PLPPR2: variants seen among roughly 807,000 people sequenced by gnomAD.
PLPPR2 encodes the protein phospholipid phosphatase-related protein type 2.
A neutral mutation model predicts 40.3 loss-of-function variants in PLPPR2; 11 were observed. The observed-to-expected ratio is 0.27, with a 90% CI of 0.17 to 0.45. The LOEUF is 0.45. Ranked by LOEUF, PLPPR2 falls within the 20% of genes least tolerant of loss-of-function variation. The probability of loss-of-function intolerance (pLI) is 1.00; values close to 1 mark genes in which losing one functional copy is unlikely to be tolerated. For synonymous variants in PLPPR2, 260 were observed against 290.8 expected (o/e 0.89, Z 1.08); for missense variants, 497 against 640.7 (o/e 0.78, Z 2.42).
intron 3 of PLPPR2, among the ~76,000 whole-genome samples, chr19:11,358,667 G>GTT (rs368081410): frequency 0.11 from 14,763 of 135,658 alleles, 926 homozygotes; most frequent in East Asian, 0.21. Context: ...CTCTCTCTCT[G>GTT]TTTTTTTTTT....
Position 11,361,902 on chromosome 19 carries a change from T to TCTGGAGCCCTTGCCCCTCTC in PLPPR2, c.663+419_663+438dup, listed in dbSNP as rs369648356. Among the ~76,000 whole-genome samples, 2,156 of 151,904 alleles carry TCTGGAGCCCTTGCCCCTCTC rather than the reference T, an allele frequency of 0.014. 51 individuals carry two copies. The highest frequency in any genetic ancestry group is 0.05 in the African/African-American group (2,053 of 41,364). On this transcript the variant is annotated intron_variant, in intron 6 of 9. Coordinates refer to ENST00000688289, the MANE Select transcript of PLPPR2 (RefSeq NM_001393892.1). This position sits in a 1 kb window ranked among gnomAD's most constrained non-coding sequence, Gnocchi z 6.3. ...GGCCCCCTGGAGTCCTTGCCCCTCT[T>TCTGGAGCCCTTGCCCCTCTC]CTGGAGCCCTTGCCCCTCTCCTGGG... is the stretch of plus-strand genomic sequence containing the variant.
chr19:11,360,286 CAA>C (rs71164193), intron 5 of PLPPR2, among the ~76,000 whole-genome samples: 34 of 85,202 alleles, frequency 4.0e-4, no homozygotes, highest in Admixed American at 2.6e-4. Context: ...AACTCCGTCT[CAA>C]AAAAAAAAAA....
At chr19:11,358,578 C>G (rs1967956486) in intron 3 of PLPPR2, among the ~76,000 whole-genome samples, 1 of 152,064 alleles carries the variant, frequency 6.6e-6, no homozygotes, top group Non-Finnish European at 1.5e-5. Flanking sequence ...CTCTCCCTCT[C>G]TCTACAACTC....
Position 11,364,189 on chromosome 19 carries a change from C to T in PLPPR2, c.992C>T (p.Thr331Ile). 1 of 1,612,388 alleles carries T rather than the reference C, an allele frequency of 6.2e-7. No individual in the cohort carries two copies. The highest frequency in any genetic ancestry group is 1.1e-5 in the South Asian group (1 of 90,866). ...CCCGAGGTCTGCAGGCCGCATTCGA[C>T]ACCGGCACGGCTCACCCCATCCAGT... ...QEPEVCRPHS[T>I]PARLTPSKSQ... Residue 331 changes from threonine (T) to isoleucine (I), a missense_variant, in exon 9 of 10, where the codon ACA becomes ATA. Physicochemically the swap from Thr to Ile is moderately conservative, Grantham distance 89 (BLOSUM62 -1). Transcript: ENST00000688289. This position sits in a 1 kb window ranked among gnomAD's most constrained non-coding sequence, Gnocchi z 5.8.
chr19:11,361,196 C>T lies in PLPPR2; in HGVS notation c.392-21C>T, dbSNP rs746925455. ...GCATCAGGGCCTGGCGCATGAACCCCTTCCACTATCCCACCCCTAGGGGTC... is the reference window on the plus strand; with the variant it reads ...GCATCAGGGCCTGGCGCATGAACCCTTTCCACTATCCCACCCCTAGGGGTC... On this transcript the variant is annotated intron_variant, in intron 5 of 9. Coordinates refer to ENST00000688289, the MANE Select transcript of PLPPR2 (RefSeq NM_001393892.1). This position sits in a 1 kb window ranked among gnomAD's most constrained non-coding sequence, Gnocchi z 6.3. The T allele has an allele frequency of 3.2e-5, 50 of 1,584,984 alleles. No individual in the cohort carries two copies. The highest frequency in any genetic ancestry group is 4.1e-5 in the Non-Finnish European group (48 of 1,166,798).
chr19:11,360,354 G>C (rs1968010379), intron 5 of PLPPR2, among the ~76,000 whole-genome samples: 1 of 151,792 alleles, frequency 6.6e-6, no homozygotes, highest in African/African-American at 2.4e-5. Context: ...TGTAGCCCCA[G>C]CTACTTGGGA....
At position 11,362,590 on chromosome 19, in the gene PLPPR2, G is replaced by A. The variant is rs992096282; in HGVS notation, c.741G>A (p.Pro247=). 1.9e-6 allele frequency: 3 copies of A among 1,613,382 alleles called. No homozygotes were observed. Among genetic ancestry groups the A allele is most frequent in the South Asian group, 1.1e-5 (1 of 91,076 alleles). ...KPSLCLALLC[P]AFLVGVVRVA... is the part of the protein sequence containing the mutation. ...CGCTCTGCCTGGCCTTGCTGTGCCC[G>A]GCCTTCCTGGTGGGCGTGGTCCGCG... The change falls in exon 7 of 10, where the codon CCG becomes CCA. Residue 247 remains proline, a synonymous_variant. Transcript: ENST00000688289. The surrounding 1 kb of genome is among the most constrained non-coding windows in gnomAD (Gnocchi z 5.3).
At position 11,362,767 on chromosome 19, in the gene PLPPR2, G is replaced by C; in HGVS notation, c.840+78G>C. 6 of 1,498,082 alleles carry C rather than the reference G, an allele frequency of 4.0e-6. No individual in the cohort carries two copies. The highest frequency in any genetic ancestry group is 4.5e-6 in the Non-Finnish European group (5 of 1,105,060). 92.8% of individuals were successfully genotyped at this position (1,498,082 alleles called of 1,614,324 possible). A position where few individuals can be genotyped will look rare whatever the true frequency, so the allele number is the denominator to read the frequency against. On this transcript the variant is annotated intron_variant, in intron 7 of 9. Transcript: ENST00000688289. The surrounding 1 kb of genome is among the most constrained non-coding windows in gnomAD (Gnocchi z 5.3). ...ACCCAAGAGGCAGGACCACATGATG[G>C]AGAAGGGTGTGGACTCTGTGTGACC...
Position 11,361,115 on chromosome 19 carries a change from G to A in PLPPR2, c.392-102G>A. The A allele has an allele frequency of 2.1e-6, 3 of 1,429,170 alleles. No individual in the cohort carries two copies. In the East Asian group the frequency reaches 7.0e-5, roughly 34 times the overall value. 88.5% of individuals were successfully genotyped at this position (1,429,170 alleles called of 1,614,324 possible). A position where few individuals can be genotyped will look rare whatever the true frequency, so the allele number is the denominator to read the frequency against. On this transcript the variant is annotated intron_variant, in intron 5 of 9. Coordinates refer to ENST00000688289, the MANE Select transcript of PLPPR2 (RefSeq NM_001393892.1). The surrounding 1 kb of genome is among the most constrained non-coding windows in gnomAD (Gnocchi z 6.3). The stretch of plus-strand genomic sequence containing the variant: ...GGCACAACTACAGGGTCCCAAGTGT[G>A]CTTTAATGACAGTCACAGGAAAAGG...
intron 3 of PLPPR2, among the ~76,000 whole-genome samples, chr19:11,358,347 C>T (rs1448104730): frequency 2.6e-5 from 4 of 151,758 alleles, no homozygotes; most frequent in Middle Eastern, 3.4e-3. Context: ...TGAGCCACCA[C>T]GCCCGGCCTC....
At position 11,361,080 on chromosome 19, in the gene PLPPR2, GGGGGATGTTGGCACAACTACA is replaced by G; in HGVS notation, c.392-133_392-113del. On this transcript the variant is annotated intron_variant, in intron 5 of 9. Transcript: ENST00000688289. The surrounding 1 kb of genome is among the most constrained non-coding windows in gnomAD (Gnocchi z 6.3). ...TACCTTCATGGTGGTCTTAAAGGAA[GGGGGATGTTGGCACAACTACA>G]GGGTCCCAAGTGTGCTTTAATGACA... is the stretch of plus-strand genomic sequence containing the variant. 1 of 1,135,196 alleles carries G rather than the reference GGGGGATGTTGGCACAACTACA, an allele frequency of 8.8e-7. No homozygotes were observed. Among genetic ancestry groups the G allele is most frequent in the Middle Eastern group, 2.2e-4 (1 of 4,624 alleles). The allele number at this position is 1,135,196 out of a possible 1,614,324, so 70.3% of individuals were successfully genotyped here.
chr19:11,364,606 C>T lies in PLPPR2; in HGVS notation c.1275C>T (p.Tyr425=), dbSNP rs148808067. 2.7e-3 allele frequency: 4,131 copies of T among 1,537,178 alleles called. 103 individuals are homozygous for T. The African/African-American group carries it at 0.05, about 19-fold the overall frequency. The change falls in exon 10 of 10, where the codon TAC becomes TAT. Residue 425 remains tyrosine (Y), a synonymous_variant. Coordinates refer to ENST00000688289, the MANE Select transcript of PLPPR2 (RefSeq NM_001393892.1). The surrounding 1 kb of genome is among the most constrained non-coding windows in gnomAD (Gnocchi z 5.8). ...LLPTPLLRDL[Y]TLSGLYPSPF... ...CCACGCCCCTGCTGCGGGACCTGTA[C>T]ACCCTGAGTGGACTCTATCCCTCCC...
rs745988573 is a variant in PLPPR2 at position 11,362,537 on chromosome 19, G to A, written c.688G>A (p.Val230Met). 1.9e-6 allele frequency: 3 copies of A among 1,611,040 alleles called. No individual in the cohort carries two copies. In the African/African-American group the frequency reaches 4.0e-5, roughly 21 times the overall value. ...GATGTACGTGACTCTCGTGTTCCGC[G>A]TGAAGGGCTCCCGCCTGGTCAAACC... ...TAMYVTLVFR[V>M]KGSRLVKPSL... The change falls in exon 7 of 10, where the codon GTG (valine) becomes ATG (methionine). Residue 230 changes from valine (V) to methionine (M), a missense_variant. Coordinates refer to ENST00000688289, the MANE Select transcript of PLPPR2 (RefSeq NM_001393892.1). The surrounding 1 kb of genome is among the most constrained non-coding windows in gnomAD (Gnocchi z 5.3).
At chr19:11,357,313 G>C (rs1282796848) in intron 2 of PLPPR2, among the ~76,000 whole-genome samples, 1 of 152,090 alleles carries the variant, frequency 6.6e-6, no homozygotes, top group Non-Finnish European at 1.5e-5. Flanking sequence ...TAAGTGCCAT[G>C]GGGGAGGGGT....
rs776815305 is a variant in PLPPR2 at position 11,361,994 on chromosome 19, C to G, written c.663+506C>G. 6.6e-6 allele frequency among the ~76,000 whole-genome samples: 1 copy of G among 152,186 alleles called. No homozygotes were observed. The highest frequency in any genetic ancestry group is 1.9e-4 in the East Asian group (1 of 5,174). ...CTCTTAACTGCTCTGGGATTTCTAA[C>G]TCTGTCCCCTGCTTTTTCCTGGTCA... is the stretch of plus-strand genomic sequence containing the variant. On this transcript the variant is annotated intron_variant, in intron 6 of 9. Transcript: ENST00000688289. The surrounding 1 kb of genome is among the most constrained non-coding windows in gnomAD (Gnocchi z 6.3).
At chr19:11,357,819 A>G in intron 3 of PLPPR2, 80 bp downstream of exon 3, 2 of 1,153,502 alleles carry the variant, frequency 1.7e-6, no homozygotes, top group South Asian at 1.6e-5. Flanking sequence ...ATCTGTACCC[A>G]CTTTTCCATC....
Position 11,355,511 on chromosome 19 carries a change from A to C in PLPPR2, c.-251A>C, listed in dbSNP as rs1967834670. On this transcript the variant is annotated 5_prime_UTR_variant, in exon 1 of 10. Transcript: ENST00000688289. ...AGCCTGGCTGGCAGTCCGTCTGTCC[A>C]TCCCGCCGCGCCGGGGCAGTCTAGG... is the stretch of plus-strand genomic sequence containing the variant. 6.6e-6 allele frequency: 1 copy of C among 152,010 alleles called. No homozygotes were observed. The highest frequency in any genetic ancestry group is 1.5e-5 in the Non-Finnish European group (1 of 67,962). The allele number at this position is 152,010 out of a possible 1,614,324, so 9.4% of individuals were successfully genotyped here.
chr19:11,357,660 G>A lies in PLPPR2; in HGVS notation c.-14G>A, dbSNP rs779696440. ...TCCCACTCCCTCCCCACCTCTGCAG[G>A]CCTGGCCTTCACCATGGCGGGAGGG... On this transcript the variant is annotated splice_region_variant and 5_prime_UTR_variant, in exon 3 of 10. Coordinates refer to ENST00000688289, the MANE Select transcript of PLPPR2 (RefSeq NM_001393892.1). 2 of 1,602,228 alleles carry A rather than the reference G, an allele frequency of 1.2e-6. No homozygotes were observed. Among genetic ancestry groups the A allele is most frequent in the African/African-American group, 1.3e-5 (1 of 74,548 alleles).
chr19:11,357,678 C>G lies in PLPPR2; in HGVS notation c.5C>G (p.Ala2Gly), dbSNP rs770168426. The change falls in exon 3 of 10, where the codon GCG (alanine) becomes GGG (glycine). Residue 2 changes from alanine to glycine, a missense_variant. Ala to Gly is a moderately conservative substitution (Grantham distance 60). Transcript: ENST00000688289. Reference protein sequence around the residue: MAGGRPHLKRSF... With the variant: MGGGRPHLKRSF... ...TCTGCAGGCCTGGCCTTCACCATGG[C>G]GGGAGGGAGACCGCATCTGAAGAGG... is the stretch of plus-strand genomic sequence containing the variant. 1.2e-6 allele frequency: 2 copies of G among 1,605,816 alleles called. No homozygotes were observed. The highest frequency in any genetic ancestry group is 2.3e-5 in the East Asian group (1 of 44,406).
Sources: gnomAD v4.1 joint callset for allele counts (sites outside exome capture counted in the v4.1 genomes callset) on GRCh38, gnomAD v4.1.1 for gene constraint, Gnocchi (gnomAD v3.1) non-coding constraint, MANE v1.5 for transcripts, NCBI Gene and HGNC (gene_info 2026-07-23, HGNC 2026-07-21) for gene names.